The following SDK1 variants were observed in gnomAD, a reference collection of about 807,000 sequenced individuals.
The protein encoded by SDK1 is sidekick cell adhesion molecule 1.
SDK1 carries 157 observed loss-of-function variants against 245.5 expected under a neutral mutation model. The observed-to-expected ratio is 0.64, with a 90% CI of 0.56 to 0.73. SDK1 has a LOEUF of 0.73. SDK1 is among the 30% of genes least tolerant of loss of function. SDK1 has a pLI of 0.00. For synonymous variants in SDK1, 1,647 were observed against 1,278.5 expected (o/e 1.29, Z -6.15); for missense variants, 3,583 against 3,002.3 (o/e 1.19, Z -4.52).
intron 4 of SDK1, among the ~76,000 whole-genome samples, chr7:3,684,883 G>A (rs1184975996): frequency 6.6e-6 from 1 of 152,120 alleles, no homozygotes; most frequent in Non-Finnish European, 1.5e-5. Flanking sequence ...GAATAGAGAT[G>A]ACACAGAGGA....
intron 1 of SDK1, among the ~76,000 whole-genome samples, chr7:3,418,865 A>G (rs930594708): frequency 6.6e-6 from 1 of 152,186 alleles, no homozygotes; most frequent in Admixed American, 6.5e-5. Flanking sequence ...CCTATGGTCA[A>G]ATCTGCACGT....
intron 1 of SDK1, among the ~76,000 whole-genome samples, chr7:3,452,707 A>G (rs1050587545): frequency 6.6e-6 from 1 of 152,150 alleles, no homozygotes; most frequent in Non-Finnish European, 1.5e-5. Context: ...TCAAGGAAAT[A>G]TACATAGTCA....
intron 40 of SDK1, among the ~76,000 whole-genome samples, chr7:4,232,156 A>G (rs185535429): frequency 0.029 from 4,366 of 151,042 alleles, 77 homozygotes; most frequent in African/African-American, 0.043. Flanking sequence ...TATAAATATT[A>G]ACTTACTTAA....
chr7:3,776,515 A>T (rs1386386827), intron 4 of SDK1, among the ~76,000 whole-genome samples: 1 of 152,136 alleles, frequency 6.6e-6, no homozygotes, highest in Non-Finnish European at 1.5e-5. Context: ...CATTTTCTGG[A>T]TATATGTCTT....
At chr7:4,114,816 A>G (rs1783596034) in intron 25 of SDK1, among the ~76,000 whole-genome samples, 1 of 152,148 alleles carries the variant, frequency 6.6e-6, no homozygotes, top group Non-Finnish European at 1.5e-5. Context: ...TGTGGGACTA[A>G]TCTCCTTCTG....
intron 1 of SDK1, among the ~76,000 whole-genome samples, chr7:3,523,375 C>T (rs960587640): frequency 5.9e-5 from 9 of 152,164 alleles, no homozygotes; most frequent in Non-Finnish European, 1.5e-5. Context: ...GACACAGATA[C>T]AGGATGTAGT....
chr7:3,656,739 CTT>C (rs11368318), intron 4 of SDK1, among the ~76,000 whole-genome samples: 4,094 of 125,360 alleles, frequency 0.033, 135 homozygotes, highest in African/African-American at 0.11. Flanking sequence ...TGGTGGAAAT[CTT>C]TTTTTTTTTT....
chr7:3,397,396 T>C (rs1430412239), intron 1 of SDK1, among the ~76,000 whole-genome samples: 1 of 152,000 alleles, frequency 6.6e-6, no homozygotes, highest in Non-Finnish European at 1.5e-5. Context: ...TCTCTCATTT[T>C]TTCTTTATAT....
intron 7 of SDK1, among the ~76,000 whole-genome samples, chr7:3,955,393 G>A (rs940818132): frequency 6.6e-6 from 1 of 152,200 alleles, no homozygotes. Flanking sequence ...CCTTTTAGGG[G>A]CTCACATGAT....
intron 1 of SDK1, among the ~76,000 whole-genome samples, chr7:3,337,347 C>T (rs1345024358): frequency 1.3e-5 from 2 of 151,524 alleles, no homozygotes; most frequent in Non-Finnish European, 2.9e-5. Flanking sequence ...TTAGAATCTG[C>T]CCAATGTGAA....
intron 4 of SDK1, among the ~76,000 whole-genome samples, chr7:3,655,488 T>C (rs1783148198): frequency 1.3e-5 from 1 of 79,602 alleles, no homozygotes; most frequent in African/African-American, 3.5e-5. Flanking sequence ...TATATATATA[T>C]ATATATATAT....
intron 1 of SDK1, among the ~76,000 whole-genome samples, chr7:3,496,974 C>A (rs948942126): frequency 7.2e-5 from 11 of 152,180 alleles, no homozygotes; most frequent in African/African-American, 2.6e-4. Flanking sequence ...AATTTCTATC[C>A]CTCCACATTC....
intron 5 of SDK1, among the ~76,000 whole-genome samples, chr7:3,873,231 G>C (rs990196072): frequency 1.3e-5 from 2 of 152,070 alleles, no homozygotes; most frequent in South Asian, 4.1e-4. Context: ...CCTGTATTGA[G>C]ATGTTTTTCT....
At chr7:3,591,172 G>C (rs1182417995) in intron 1 of SDK1, among the ~76,000 whole-genome samples, 1 of 152,180 alleles carries the variant, frequency 6.6e-6, no homozygotes, top group Admixed American at 6.5e-5. Flanking sequence ...TCAACCTGTA[G>C]GCAGTTCAAG....
chr7:3,904,958 A>C (rs1277149114), intron 5 of SDK1, among the ~76,000 whole-genome samples: 1 of 150,944 alleles, frequency 6.6e-6, no homozygotes, highest in Non-Finnish European at 1.5e-5. Flanking sequence ...GCGCCACTGC[A>C]CTCCAGCCTG....
chr7:4,129,206 C>G (rs1402353423), intron 26 of SDK1, among the ~76,000 whole-genome samples: 5 of 146,182 alleles, frequency 3.4e-5, no homozygotes, highest in African/African-American at 1.3e-4. Flanking sequence ...AATAGAGCAG[C>G]TCGGGGTGGG....
intron 5 of SDK1, among the ~76,000 whole-genome samples, chr7:3,886,466 C>T (rs1375079973): frequency 6.6e-6 from 1 of 152,226 alleles, no homozygotes; most frequent in Non-Finnish European, 1.5e-5. Context: ...AGTAGCTTGC[C>T]TCCAGTAACA....
intron 14 of SDK1, among the ~76,000 whole-genome samples, chr7:4,001,738 T>C (rs929435857): frequency 6.6e-6 from 1 of 152,212 alleles, no homozygotes; most frequent in African/African-American, 2.4e-5. Context: ...CTGTGGTGTT[T>C]TGTTTTAGGT....
At chr7:3,347,863 A>G (rs1780549572) in intron 1 of SDK1, among the ~76,000 whole-genome samples, 2 of 151,066 alleles carry the variant, frequency 1.3e-5, no homozygotes, top group Admixed American at 6.6e-5. Flanking sequence ...GTGGCTTAGT[A>G]TCGAGCCAGT....
Sources: gnomAD v4.1 joint callset for allele counts (sites outside exome capture counted in the v4.1 genomes callset) on GRCh38, gnomAD v4.1.1 for gene constraint, MANE v1.5 for transcripts, NCBI Gene and HGNC (gene_info 2026-07-23, HGNC 2026-07-21) for gene names.